The following FBXL7 variants were observed in gnomAD, a reference collection of about 807,000 sequenced individuals.
The protein encoded by FBXL7 is F-box/LRR-repeat protein 7.
FBXL7 carries 12 observed loss-of-function variants against 38.3 expected under a neutral mutation model. The observed-to-expected ratio is 0.31, with a 90% CI of 0.20 to 0.51. The LOEUF is 0.51. FBXL7 is among the 20% of genes least tolerant of loss of function. The pLI is 0.98. For missense variants in FBXL7, 567 were observed against 676.4 expected (o/e 0.84, Z 1.79); for synonymous variants, 297 against 300.9 (o/e 0.99, Z 0.13).
chr5:15,800,530 T>C (rs1337492365), intron 2 of FBXL7, among the ~76,000 whole-genome samples: 1 of 152,250 alleles, frequency 6.6e-6, no homozygotes, highest in African/African-American at 2.4e-5. Context: ...CTAATGTTGA[T>C]TGAACTCCTG....
chr5:15,823,475 AGT>A (rs1409762429), intron 2 of FBXL7, among the ~76,000 whole-genome samples: 3 of 152,190 alleles, frequency 2.0e-5, no homozygotes, highest in African/African-American at 7.2e-5. Flanking sequence ...CCTAATGACA[AGT>A]GTAATTAATG....
chr5:15,839,436 AT>A lies in FBXL7; in HGVS notation c.128-88446del, dbSNP rs150092463. Among the ~76,000 whole-genome samples, 1,446 of 151,824 alleles carry A rather than the reference AT, an allele frequency of 9.5e-3. 24 individuals are homozygous for A. The highest frequency in any genetic ancestry group is 0.033 in the African/African-American group (1,348 of 41,444). On this transcript the variant is annotated intron_variant, in intron 2 of 3. Transcript: ENST00000504595. ...ACGATAAAATATAGCAATCTATCTG[AT>A]TTTTTTTATATGGGGAACCAGATTG... is the stretch of plus-strand genomic sequence containing the variant.
chr5:15,527,696 G>A (rs1180573820), intron 1 of FBXL7, among the ~76,000 whole-genome samples: 3 of 152,146 alleles, frequency 2.0e-5, no homozygotes, highest in Non-Finnish European at 1.5e-5. Flanking sequence ...CCAGTTGTAT[G>A]GTTCATAAGC....
intron 2 of FBXL7, among the ~76,000 whole-genome samples, chr5:15,620,394 A>T (rs1165890007): frequency 6.9e-6 from 1 of 143,904 alleles, no homozygotes; most frequent in Non-Finnish European, 1.5e-5. Context: ...CACCACGCCC[A>T]GCTAATTTTT....
intron 1 of FBXL7, among the ~76,000 whole-genome samples, chr5:15,571,903 A>T (rs1385768209): frequency 6.6e-6 from 1 of 152,074 alleles, no homozygotes; most frequent in African/African-American, 2.4e-5. Context: ...GACTGTGGCA[A>T]ACTAGCCCAC....
intron 2 of FBXL7, among the ~76,000 whole-genome samples, chr5:15,865,046 T>C (rs925542805): frequency 6.6e-6 from 1 of 152,200 alleles, no homozygotes; most frequent in African/African-American, 2.4e-5. Flanking sequence ...TTTCATTTGC[T>C]GAAGGATTCT....
At chr5:15,619,213 C>A (rs1311869195) in intron 2 of FBXL7, among the ~76,000 whole-genome samples, 1 of 152,150 alleles carries the variant, frequency 6.6e-6, no homozygotes, top group Non-Finnish European at 1.5e-5. Flanking sequence ...TCATACTTAG[C>A]CATTTTTTGT....
intron 1 of FBXL7, among the ~76,000 whole-genome samples, chr5:15,569,863 G>T (rs986583399): frequency 3.3e-5 from 5 of 152,134 alleles, no homozygotes; most frequent in African/African-American, 9.7e-5. Context: ...GGTTTTTGTC[G>T]TTGGTTCTGT....
chr5:15,709,802 TATCTGCTGAGAGCCTATTCTTACAGC>T (rs1351064417), intron 2 of FBXL7, among the ~76,000 whole-genome samples: 1 of 152,178 alleles, frequency 6.6e-6, no homozygotes, highest in African/African-American at 2.4e-5. Context: ...GCAGATTTGG[TATCTGCTGAGAGCCTATTCTTACAGC>T]ATCTTCTTTC....
At chr5:15,921,380 C>CAAAAA (rs56077834) in intron 2 of FBXL7, among the ~76,000 whole-genome samples, 18 of 124,676 alleles carry the variant, frequency 1.4e-4, no homozygotes, top group African/African-American at 5.3e-4. Flanking sequence ...GACTCCATCT[C>CAAAAA]AAAAAAAAAA....
chr5:15,783,530 C>T (rs1472341068), intron 2 of FBXL7, among the ~76,000 whole-genome samples: 1 of 152,154 alleles, frequency 6.6e-6, no homozygotes, highest in Non-Finnish European at 1.5e-5. Flanking sequence ...AATGGTGCAT[C>T]AGAGCCTCAA....
At chr5:15,813,779 A>T (rs1252239243) in intron 2 of FBXL7, among the ~76,000 whole-genome samples, 1 of 152,234 alleles carries the variant, frequency 6.6e-6, no homozygotes, top group East Asian at 1.9e-4. Flanking sequence ...ATATGAACAG[A>T]CACTTCTCAA....
At chr5:15,916,146 G>A (rs1403278300) in intron 2 of FBXL7, among the ~76,000 whole-genome samples, 1 of 152,170 alleles carries the variant, frequency 6.6e-6, no homozygotes, top group Non-Finnish European at 1.5e-5. Flanking sequence ...AGGACTAGTT[G>A]TCCATAGAAC....
chr5:15,893,159 G>A (rs1433786919), intron 2 of FBXL7, among the ~76,000 whole-genome samples: 6 of 151,160 alleles, frequency 4.0e-5, no homozygotes, highest in Non-Finnish European at 5.9e-5. Context: ...AGTTAAATAT[G>A]TACAAGGCCT....
intron 1 of FBXL7, among the ~76,000 whole-genome samples, chr5:15,553,587 G>T (rs1315767385): frequency 6.6e-6 from 1 of 152,222 alleles, no homozygotes; most frequent in Non-Finnish European, 1.5e-5. Context: ...CAGGCACTCA[G>T]TAGGTCTTCA....
chr5:15,918,751 T>G lies in FBXL7; in HGVS notation c.128-9139T>G, dbSNP rs1741665889. On this transcript the variant is annotated intron_variant, in intron 2 of 3. Transcript: ENST00000504595. ...ATGCTACCCTTATCAGACTGGTCCA[T>G]GTGACCAAGAAAGCAGGTCTTTTGT... 3.3e-5 allele frequency among the ~76,000 whole-genome samples: 5 copies of G among 152,356 alleles called. No homozygotes were observed. The South Asian group carries it at 1.0e-3, about 32-fold the overall frequency.
chr5:15,612,356 CAT>C (rs1561051398), intron 1 of FBXL7, among the ~76,000 whole-genome samples: 1 of 152,132 alleles, frequency 6.6e-6, no homozygotes, highest in African/African-American at 2.4e-5. Context: ...CTCAATGAAA[CAT>C]ATGCACTTAG....
rs984959588 is a variant in FBXL7, at chr5:15,500,265, G to A, written c.-412G>A. ...CCGGGGAAGCCGCGGGCGCGCAGGG[G>A]CAGCCGAAGGAGGCGGTCGAGCCGC... On this transcript the variant is annotated 5_prime_UTR_variant, in exon 1 of 4. Transcript: ENST00000504595. 3.3e-5 allele frequency: 5 copies of A among 151,822 alleles called. No homozygotes were observed. The highest frequency in any genetic ancestry group is 1.2e-4 in the African/African-American group (5 of 41,374). The allele number at this position is 151,822 out of a possible 1,614,324, so 9.4% of individuals were successfully genotyped here.
intron 2 of FBXL7, among the ~76,000 whole-genome samples, chr5:15,839,928 A>G (rs1373363926): frequency 6.6e-6 from 1 of 152,230 alleles, no homozygotes; most frequent in Non-Finnish European, 1.5e-5. Flanking sequence ...TTTTACAACT[A>G]AATGGTTACA....
Sources: gnomAD v4.1 joint callset for allele counts (sites outside exome capture counted in the v4.1 genomes callset) on GRCh38, gnomAD v4.1.1 for gene constraint, MANE v1.5 for transcripts, NCBI Gene and HGNC (gene_info 2026-07-23, HGNC 2026-07-21) for gene names.